Variants in NIPBL observed in about 807,000 individuals in gnomAD.
NIPBL encodes the protein nipped-B-like protein.
In NIPBL, 19 loss-of-function variants were observed where a neutral mutation model predicts 321.8. That is an observed-to-expected ratio of 0.06 (90% CI 0.04 to 0.09). The LOEUF is 0.09. Among genes scored for constraint, NIPBL ranks in the 10% least tolerant of loss-of-function variants. The pLI, the probability that NIPBL is intolerant of heterozygous loss-of-function variation, is 1.00. For synonymous variants in NIPBL, 1,106 were observed against 1,114.1 expected, an observed-to-expected ratio of 0.99 and a Z score of 0.14; for missense variants, 2,210 against 3,327.0, an observed-to-expected ratio of 0.66 and a Z score of 8.26.
intron 6 of NIPBL, among the ~76,000 whole-genome samples, chr5:36,967,283 C>T (rs1240492997): frequency 2.0e-5 from 3 of 152,058 alleles, no homozygotes; most frequent in Admixed American, 1.3e-4. Flanking sequence ...TTTCAGTCTT[C>T]ATAGTGATAT....
At chr5:36,892,956 C>T (rs1241390252) in intron 1 of NIPBL, among the ~76,000 whole-genome samples, 1 of 152,176 alleles carries the variant, frequency 6.6e-6, no homozygotes, top group East Asian at 1.9e-4. Context: ...AAAAAAGTAG[C>T]ATGGTGGATT....
intron 1 of NIPBL, among the ~76,000 whole-genome samples, chr5:36,941,524 A>C (rs1399825909): frequency 6.6e-6 from 1 of 151,648 alleles, no homozygotes; most frequent in Non-Finnish European, 1.5e-5. Flanking sequence ...AAAAAAAAAA[A>C]AAAACCACCA....
In NIPBL at chr5:37,001,116, G is replaced by A. The variant is rs746580145; in HGVS notation, c.3664+38G>A. 1.9e-5 allele frequency: 25 copies of A among 1,334,790 alleles called. No individual in the cohort carries two copies. In the Admixed American group the frequency reaches 3.9e-4, roughly 21 times the overall value. 82.7% of individuals were successfully genotyped at this position (1,334,790 alleles called of 1,614,324 possible). A position where few individuals can be genotyped will look rare whatever the true frequency, so the allele number is the denominator to read the frequency against. ...TAAAATACATTTACACATACTCTAA[G>A]TGTCTTAACTGTATCCTCTAGAGTA... On this transcript the variant is annotated intron_variant, in intron 14 of 46. Coordinates refer to ENST00000282516, the MANE Select transcript of NIPBL (RefSeq NM_133433.4).
intron 1 of NIPBL, among the ~76,000 whole-genome samples, chr5:36,926,034 T>A (rs116326162): frequency 6.6e-6 from 1 of 152,322 alleles, no homozygotes; most frequent in African/African-American, 2.4e-5. Flanking sequence ...CGTCAGTAGT[T>A]TCTCCATTAC....
chr5:37,032,439 AGT>A (rs1751175598), intron 32 of NIPBL, among the ~76,000 whole-genome samples: 2 of 71,032 alleles, frequency 2.8e-5, no homozygotes, highest in South Asian at 9.2e-4. Context: ...GTGTGTGTGT[AGT>A]GTGTGTGTTC....
chr5:37,055,723 T>C (rs1227960556), intron 42 of NIPBL, among the ~76,000 whole-genome samples: 2 of 151,788 alleles, frequency 1.3e-5, no homozygotes, highest in Non-Finnish European at 2.9e-5. Flanking sequence ...AGATTGTAAT[T>C]GAAAAGGGAG....
intron 32 of NIPBL, among the ~76,000 whole-genome samples, chr5:37,029,907 ATAGT>A (rs1476133001): frequency 6.6e-6 from 1 of 152,138 alleles, no homozygotes; most frequent in Non-Finnish European, 1.5e-5. Context: ...CCTAAATCAA[ATAGT>A]TAGCTCTATA....
chr5:36,883,508 GA>G (rs907437063), intron 1 of NIPBL, among the ~76,000 whole-genome samples: 5 of 151,542 alleles, frequency 3.3e-5, no homozygotes, highest in African/African-American at 1.2e-4. Flanking sequence ...GAGCACTATT[GA>G]AAAAATACTA....
At position 37,035,092 on chromosome 5, in the gene NIPBL, C is replaced by T. The variant is rs186151031; in HGVS notation, c.5863-1287C>T. Reference sequence around the variant, plus strand: ...ATCACTTGAGCCCAAGAGTTTGAGACCAGCTTGGGCAACATAGAGAACCCC... The same window carrying T: ...ATCACTTGAGCCCAAGAGTTTGAGATCAGCTTGGGCAACATAGAGAACCCC... On this transcript the variant is annotated intron_variant, in intron 32 of 46. Transcript: ENST00000282516. Among the ~76,000 whole-genome samples the T allele has an allele frequency of 1.1e-4, 17 of 152,320 alleles. No individual in the cohort carries two copies. In the East Asian group the frequency reaches 3.1e-3, roughly 28 times the overall value.
chr5:37,053,302 T>C (rs1753763777), intron 42 of NIPBL, among the ~76,000 whole-genome samples: 2 of 151,602 alleles, frequency 1.3e-5, no homozygotes, highest in Non-Finnish European at 2.9e-5. Context: ...CCTAAACATA[T>C]CTAAACATAG....
intron 1 of NIPBL, among the ~76,000 whole-genome samples, chr5:36,929,611 C>CT (rs1218174242): frequency 2.0e-5 from 3 of 151,938 alleles, no homozygotes; most frequent in Non-Finnish European, 4.4e-5. Flanking sequence ...TTTTTGTTAT[C>CT]TAAGAACTCT....
At chr5:36,980,443 T>G (rs1477531320) in intron 9 of NIPBL, among the ~76,000 whole-genome samples, 1 of 151,760 alleles carries the variant, frequency 6.6e-6, no homozygotes, top group Non-Finnish European at 1.5e-5. Context: ...ACGTATCACA[T>G]AATGATGTTT....
chr5:36,918,597 TG>T (rs1364096213), intron 1 of NIPBL, among the ~76,000 whole-genome samples: 2 of 152,174 alleles, frequency 1.3e-5, no homozygotes, highest in African/African-American at 4.8e-5. Flanking sequence ...GTCCCTGTCT[TG>T]TGCCAGTTTT....
intron 1 of NIPBL, among the ~76,000 whole-genome samples, chr5:36,926,830 G>A (rs1035199522): frequency 3.9e-5 from 6 of 152,072 alleles, no homozygotes; most frequent in Admixed American, 2.0e-4. Flanking sequence ...CTGCCACATT[G>A]AATTAAACCA....
chr5:36,880,023 A>G (rs1489291786), intron 1 of NIPBL, among the ~76,000 whole-genome samples: 3 of 152,066 alleles, frequency 2.0e-5, no homozygotes, highest in Non-Finnish European at 4.4e-5. Context: ...ACATTACTTG[A>G]AAAAAGAAAA....
intron 5 of NIPBL, among the ~76,000 whole-genome samples, chr5:36,961,807 C>CA (rs1479209920): frequency 6.6e-6 from 1 of 152,076 alleles, no homozygotes; most frequent in Non-Finnish European, 1.5e-5. Context: ...TTCATACAGA[C>CA]AAAAAATGTT....
intron 1 of NIPBL, among the ~76,000 whole-genome samples, chr5:36,892,187 A>G (rs1185384156): frequency 6.6e-6 from 1 of 152,240 alleles, no homozygotes; most frequent in African/African-American, 2.4e-5. Context: ...AGTGGATGAA[A>G]AAATGCTCAT....
chr5:37,042,395 AC>A (rs1383702823), intron 34 of NIPBL, among the ~76,000 whole-genome samples: 3 of 152,110 alleles, frequency 2.0e-5, no homozygotes, highest in African/African-American at 7.2e-5. Context: ...AGACTGTGCT[AC>A]TGCACTTCCG....
intron 4 of NIPBL, among the ~76,000 whole-genome samples, chr5:36,959,828 AT>A (rs1273558169): frequency 6.6e-6 from 1 of 152,042 alleles, no homozygotes; most frequent in East Asian, 1.9e-4. Context: ...ATATTGTTTG[AT>A]TTCTGTATAC....
Sources: gnomAD v4.1 joint callset for allele counts (sites outside exome capture counted in the v4.1 genomes callset) on GRCh38, gnomAD v4.1.1 for gene constraint, MANE v1.5 for transcripts, NCBI Gene and HGNC (gene_info 2026-07-23, HGNC 2026-07-21) for gene names.